Variants in SHC4 observed in about 807,000 individuals in gnomAD.
The protein encoded by SHC4 is SHC-transforming protein 4.
Under a neutral mutation model 69.4 loss-of-function variants are expected in SHC4, and 41 were observed. The ratio of observed to expected loss-of-function variants is 0.59; its 90% CI spans 0.46 to 0.77. SHC4 has a LOEUF of 0.77. Ranked by LOEUF, SHC4 falls within the 30% of genes least tolerant of loss-of-function variation. The pLI is 0.00. For missense variants in SHC4, 777 were observed against 783.8 expected (o/e 0.99, Z 0.10); for synonymous variants, 318 against 299.3 (o/e 1.06, Z -0.64).
rs1397072019 is a variant in SHC4 at position 48,867,868 on chromosome 15, T to C, written c.896A>G (p.Asp299Gly). The C allele has an allele frequency of 6.2e-6, 10 of 1,612,394 alleles. No individual in the cohort carries two copies. The highest frequency in any genetic ancestry group is 3.4e-6 in the Non-Finnish European group (4 of 1,178,954). ...TACGTAGGCAACATAGTCTGTAGTA[T>C]CCTATAAAAAAGGGAAAATGACTGT... is the stretch of plus-strand genomic sequence containing the variant. ...SISFASGGDP[D>G]TTDYVAYVAK... The change falls in exon 6 of 12, where the codon GAT becomes GGT. Residue 299 changes from aspartate (D) to glycine (G), a missense_variant and splice_region_variant. Asp to Gly is a moderately conservative substitution (Grantham distance 94). Transcript: ENST00000332408.
rs188640350 is a variant in SHC4, at chr15:48,920,243, G to A, written c.656+4636C>T. Among the ~76,000 whole-genome samples, 700 of 151,252 alleles carry A rather than the reference G, an allele frequency of 4.6e-3. 4 individuals carry two copies. The highest frequency in any genetic ancestry group is 0.016 in the African/African-American group (667 of 41,154). On this transcript the variant is annotated intron_variant, in intron 2 of 11. Transcript: ENST00000332408. Reference sequence around the variant, plus strand: ...TCACTGTGTTAGCCAGGATGGTCTCGATCTCCTGACCTCATGATCTGCCCG... The same window carrying A: ...TCACTGTGTTAGCCAGGATGGTCTCAATCTCCTGACCTCATGATCTGCCCG...
At chr15:48,847,774 G>A (rs759891764) in intron 9 of SHC4, among the ~76,000 whole-genome samples, 20 of 151,916 alleles carry the variant, frequency 1.3e-4, no homozygotes, top group Non-Finnish European at 2.2e-4. Context: ...AGGCCAAGGC[G>A]GGCAGATCAC....
chr15:48,928,448 G>A (rs545673712), intron 1 of SHC4, among the ~76,000 whole-genome samples: 3 of 152,210 alleles, frequency 2.0e-5, no homozygotes, highest in Non-Finnish European at 1.5e-5. Flanking sequence ...CTGAACAGGA[G>A]GGGGACAAAG....
chr15:48,951,130 A>T (rs1337089108), intron 1 of SHC4, among the ~76,000 whole-genome samples: 1 of 152,022 alleles, frequency 6.6e-6, no homozygotes, highest in Non-Finnish European at 1.5e-5. Context: ...AACAACAAAA[A>T]TAATTTCTCC....
At chr15:48,896,210 T>C (rs1900217388) in intron 2 of SHC4, among the ~76,000 whole-genome samples, 1 of 150,928 alleles carries the variant, frequency 6.6e-6, no homozygotes, top group Non-Finnish European at 1.5e-5. Context: ...CTTTCTTCCT[T>C]TCTTTCTCTC....
chr15:48,940,317 T>C (rs990254393), intron 1 of SHC4, among the ~76,000 whole-genome samples: 1 of 152,230 alleles, frequency 6.6e-6, no homozygotes, highest in Non-Finnish European at 1.5e-5. Flanking sequence ...ATTTTTGGGA[T>C]ATTTTGACCT....
chr15:48,938,251 A>C (rs936365168), intron 1 of SHC4: 1 of 152,210 alleles, frequency 6.6e-6, no homozygotes, highest in Non-Finnish European at 1.5e-5. Flanking sequence ...GCAAAATCCC[A>C]GGTTGTGTCA....
chr15:48,899,794 A>T (rs1900289311), intron 2 of SHC4, among the ~76,000 whole-genome samples: 1 of 152,140 alleles, frequency 6.6e-6, no homozygotes, highest in Non-Finnish European at 1.5e-5. Flanking sequence ...GTGGTGATCA[A>T]ACTGTAAAGT....
chr15:48,839,519 A>C (rs143414687), intron 10 of SHC4, among the ~76,000 whole-genome samples: 2 of 152,214 alleles, frequency 1.3e-5, no homozygotes, highest in African/African-American at 4.8e-5. Context: ...AAGCTGAACC[A>C]GGATCCAAGC....
In SHC4 at chr15:48,835,300, G is replaced by A. The variant is rs77114187; in HGVS notation, c.1484-278C>T. 7.3e-3 allele frequency among the ~76,000 whole-genome samples: 1,115 copies of A among 152,288 alleles called. 17 individuals carry two copies. Among genetic ancestry groups the A allele is most frequent in the African/African-American group, 0.026 (1,071 of 41,552 alleles). On this transcript the variant is annotated intron_variant, in intron 10 of 11. Transcript: ENST00000332408. ...CAGATGGGAAATGGAACAGACCCAT[G>A]AGAACAGCTTTTATAACTGCAGAGA... is the stretch of plus-strand genomic sequence containing the variant.
intron 1 of SHC4, among the ~76,000 whole-genome samples, chr15:48,937,259 C>T (rs1901088292): frequency 6.6e-6 from 1 of 152,092 alleles, no homozygotes. Context: ...GATGGGGTCT[C>T]ATTATGTTGC....
intron 8 of SHC4, among the ~76,000 whole-genome samples, chr15:48,854,536 T>C (rs1899274792): frequency 6.6e-6 from 1 of 152,210 alleles, no homozygotes; most frequent in Non-Finnish European, 1.5e-5. Context: ...ATCGCAGCAC[T>C]ATTCACAATA....
intron 9 of SHC4, among the ~76,000 whole-genome samples, chr15:48,848,504 C>A (rs539678588): frequency 6.6e-5 from 10 of 152,238 alleles, no homozygotes; most frequent in African/African-American, 2.4e-4. Context: ...TCAATATAGG[C>A]AAACCAGAAT....
At chr15:48,838,040 T>C (rs1238924609) in intron 10 of SHC4, among the ~76,000 whole-genome samples, 1 of 152,206 alleles carries the variant, frequency 6.6e-6, no homozygotes, top group African/African-American at 2.4e-5. Flanking sequence ...AGCAAAGCAC[T>C]GGAAAAATTG....
At chr15:48,942,104 G>A (rs925178802) in intron 1 of SHC4, among the ~76,000 whole-genome samples, 2 of 152,002 alleles carry the variant, frequency 1.3e-5, no homozygotes, top group African/African-American at 4.8e-5. Context: ...GTAACTGTAG[G>A]GTTGCTTCAG....
intron 4 of SHC4, among the ~76,000 whole-genome samples, chr15:48,880,770 ATTTTAACACCCC>A (rs1292112026): frequency 6.6e-6 from 1 of 152,220 alleles, no homozygotes; most frequent in Non-Finnish European, 1.5e-5. Flanking sequence ...GATAGAAAAC[ATTTTAACACCCC>A]TTTTAGGGGT....
intron 2 of SHC4, among the ~76,000 whole-genome samples, chr15:48,891,221 T>C (rs909564884): frequency 5.3e-5 from 8 of 151,952 alleles, no homozygotes; most frequent in African/African-American, 1.9e-4. Context: ...ATCTCAGAAC[T>C]AAAGACAATT....
At chr15:48,855,630 T>C (rs1247814191) in intron 8 of SHC4, among the ~76,000 whole-genome samples, 1 of 151,910 alleles carries the variant, frequency 6.6e-6, no homozygotes, top group Non-Finnish European at 1.5e-5. Flanking sequence ...AAGATTAGCT[T>C]TGGAGATAGT....
chr15:48,936,368 T>G (rs939501435), intron 1 of SHC4, among the ~76,000 whole-genome samples: 7 of 152,182 alleles, frequency 4.6e-5, no homozygotes, highest in African/African-American at 1.7e-4. Context: ...CAGATCTCCT[T>G]TCTCCAGGGT....
Sources: allele counts gnomAD v4.1 joint callset (sites outside exome capture counted in the v4.1 genomes callset), GRCh38; gene constraint gnomAD v4.1.1; transcripts MANE v1.5; gene names NCBI Gene and HGNC (gene_info 2026-07-23, HGNC 2026-07-21).